TTC39B: variants seen among roughly 807,000 people sequenced by gnomAD.
The protein encoded by TTC39B is tetratricopeptide repeat protein 39B.
A neutral mutation model predicts 96.6 loss-of-function variants in TTC39B; 92 were observed. The ratio of observed to expected loss-of-function variants is 0.95; its 90% CI spans 0.80 to 1.13. The LOEUF (loss-of-function observed/expected upper bound fraction) is 1.13. Ranked by LOEUF, TTC39B falls within the 50% of genes most tolerant of loss-of-function variation. The probability of loss-of-function intolerance (pLI) is 0.00; values close to 1 mark genes in which losing one functional copy is unlikely to be tolerated. For missense variants in TTC39B, 955 were observed against 809.3 expected (o/e 1.18, Z -2.18); for synonymous variants, 367 against 299.4 (o/e 1.23, Z -2.33).
At chr9:15,193,715 A>G (rs7860410) in intron 8 of TTC39B, among the ~76,000 whole-genome samples, 121,252 of 152,202 alleles carry the variant, frequency 0.8, 48,467 homozygotes, top group East Asian at 0.91. Context: ...TTTATGCCAT[A>G]GTTAAAAGGC....
In TTC39B at chr9:15,192,581, T is replaced by C; in HGVS notation, c.930+9A>G. The C allele has an allele frequency of 6.2e-7, 1 of 1,608,182 alleles. No homozygotes were observed. Among genetic ancestry groups the C allele is most frequent in the Non-Finnish European group, 8.5e-7 (1 of 1,174,936 alleles). ...AAAAGTTCTGGTTTCTATACAGTGA[T>C]TTCCTTACCAAATTAAAGGCCCCAC... On this transcript the variant is annotated intron_variant, in intron 9 of 19. Transcript: ENST00000512701.
At chr9:15,263,904 G>A (rs964819326) in intron 2 of TTC39B, among the ~76,000 whole-genome samples, 14 of 152,196 alleles carry the variant, frequency 9.2e-5, no homozygotes, top group African/African-American at 3.4e-4. Flanking sequence ...TAAAGGACAC[G>A]AGAAATAATG....
intron 8 of TTC39B, among the ~76,000 whole-genome samples, chr9:15,194,021 G>T (rs935776023): frequency 6.6e-6 from 1 of 152,164 alleles, no homozygotes; most frequent in Non-Finnish European, 1.5e-5. Flanking sequence ...GGAGAAATGT[G>T]AGTAAAGGCC....
intron 1 of TTC39B, among the ~76,000 whole-genome samples, chr9:15,285,155 C>T (rs963856073): frequency 6.6e-6 from 1 of 151,852 alleles, no homozygotes; most frequent in Non-Finnish European, 1.5e-5. Context: ...GTCCCAGCTA[C>T]TCGGGGCGGG....
At chr9:15,264,696 T>C (rs1823064254) in intron 2 of TTC39B, among the ~76,000 whole-genome samples, 1 of 147,244 alleles carries the variant, frequency 6.8e-6, no homozygotes, top group African/African-American at 2.5e-5. Flanking sequence ...AGATGATAGA[T>C]ATCGTCATTT....
intron 8 of TTC39B, among the ~76,000 whole-genome samples, chr9:15,199,632 G>A (rs1819399930): frequency 6.7e-6 from 1 of 148,640 alleles, no homozygotes; most frequent in Admixed American, 6.8e-5. Context: ...CTACTCGGGA[G>A]GATGAGGCAG....
chr9:15,272,507 C>A (rs1358370158), intron 1 of TTC39B, among the ~76,000 whole-genome samples: 3 of 152,174 alleles, frequency 2.0e-5, no homozygotes, highest in African/African-American at 7.2e-5. Context: ...TTAGTTCCCT[C>A]CTTAAAGGCA....
In TTC39B at chr9:15,264,499, C is replaced by T. The variant is rs189215607; in HGVS notation, c.275+3415G>A. On this transcript the variant is annotated intron_variant, in intron 2 of 19. Transcript: ENST00000512701. ...TGAAACCTTGTCTCTACTAAAAATA[C>T]AAAAATTAGCTGGACGTAGTTGGCA... Among the ~76,000 whole-genome samples the T allele has an allele frequency of 4.5e-3, 679 of 151,750 alleles. 7 individuals are homozygous for T. The highest frequency in any genetic ancestry group is 0.016 in the African/African-American group (663 of 41,414).
intron 1 of TTC39B, among the ~76,000 whole-genome samples, chr9:15,287,831 A>T (rs1296726181): frequency 6.6e-6 from 1 of 151,692 alleles, no homozygotes; most frequent in Non-Finnish European, 1.5e-5. Flanking sequence ...CTGTAGTCCC[A>T]GCTACTCGGG....
intron 2 of TTC39B, among the ~76,000 whole-genome samples, chr9:15,260,081 T>A (rs1489371860): frequency 6.6e-6 from 1 of 152,106 alleles, no homozygotes; most frequent in African/African-American, 2.4e-5. Flanking sequence ...TAGGAATATA[T>A]ATGAGATATA....
At chr9:15,233,925 C>T (rs940809739) in intron 2 of TTC39B, among the ~76,000 whole-genome samples, 3 of 150,766 alleles carry the variant, frequency 2.0e-5, no homozygotes, top group Non-Finnish European at 3.0e-5. Context: ...GCCTCTTCCC[C>T]GCCGCCATCC....
intron 1 of TTC39B, among the ~76,000 whole-genome samples, chr9:15,305,946 G>C (rs1400384371): frequency 6.6e-6 from 1 of 152,038 alleles, no homozygotes; most frequent in Non-Finnish European, 1.5e-5. Context: ...CAAGGGTCTG[G>C]ACAGCCCGGC....
At chr9:15,250,324 A>C in intron 2 of TTC39B, 3 of 543,926 alleles carry the variant, frequency 5.5e-6, no homozygotes, top group Non-Finnish European at 7.0e-6. Context: ...GAACATACAA[A>C]TGGCCTGGAT....
intron 1 of TTC39B, among the ~76,000 whole-genome samples, chr9:15,270,267 G>C (rs539233891): frequency 3.3e-5 from 5 of 152,220 alleles, no homozygotes; most frequent in South Asian, 4.1e-4. Context: ...CCATAAGGGA[G>C]GTAAAATCAA....
chr9:15,254,727 A>G (rs1433593222), intron 2 of TTC39B, among the ~76,000 whole-genome samples: 1 of 152,124 alleles, frequency 6.6e-6, no homozygotes, highest in Non-Finnish European at 1.5e-5. Flanking sequence ...TAATCAAAGC[A>G]AACTACACAT....
intron 17 of TTC39B, among the ~76,000 whole-genome samples, chr9:15,179,836 A>G (rs963745407): frequency 2.6e-5 from 4 of 152,194 alleles, no homozygotes; most frequent in Non-Finnish European, 5.9e-5. Context: ...GCCGCATGTA[A>G]CTTCTATGAC....
At chr9:15,199,947 A>T in intron 7 of TTC39B, 22 bp from the exon 8 acceptor site, 1 of 1,465,354 alleles carries the variant, frequency 6.8e-7, no homozygotes, top group Non-Finnish European at 9.4e-7. Context: ...TCAGTTAAAA[A>T]ATTAGATTAT....
chr9:15,227,941 G>A (rs528660851), intron 2 of TTC39B, among the ~76,000 whole-genome samples: 25 of 152,060 alleles, frequency 1.6e-4, no homozygotes, highest in African/African-American at 5.8e-4. Flanking sequence ...ATATAACATA[G>A]TTTTACCTGT....
chr9:15,212,157 A>G (rs1820237838), intron 4 of TTC39B, among the ~76,000 whole-genome samples: 1 of 152,206 alleles, frequency 6.6e-6, no homozygotes, highest in Non-Finnish European at 1.5e-5. Context: ...TTTAATTTAA[A>G]TATTAATGCA....
Sources: gnomAD v4.1 joint callset for allele counts (sites outside exome capture counted in the v4.1 genomes callset) on GRCh38, gnomAD v4.1.1 for gene constraint, MANE v1.5 for transcripts, NCBI Gene and HGNC (gene_info 2026-07-23, HGNC 2026-07-21) for gene names.